The following COP1 variants were observed in gnomAD, a reference collection of about 807,000 sequenced individuals.
COP1 encodes E3 ubiquitin-protein ligase COP1.
Under a neutral mutation model 101.3 loss-of-function variants are expected in COP1, and 24 were observed. The observed-to-expected ratio is 0.24, with a 90% CI of 0.17 to 0.33. The LOEUF is 0.33. Ranked by LOEUF, COP1 falls within the 10% of genes least tolerant of loss-of-function variation. The pLI is 1.00. For missense variants in COP1, 663 were observed against 906.2 expected (o/e 0.73, Z 3.45); for synonymous variants, 347 against 341.9 (o/e 1.01, Z -0.17).
intron 15 of COP1, among the ~76,000 whole-genome samples, chr1:176,006,107 C>A (rs1470061215): frequency 6.6e-6 from 1 of 152,112 alleles, no homozygotes; most frequent in Non-Finnish European, 1.5e-5. Flanking sequence ...ATGTAATGGC[C>A]TTCTTTGTCT....
At position 176,101,787 on chromosome 1, in the gene COP1, C is replaced by T. The variant is rs530935870; in HGVS notation, c.1026+14837G>A. On this transcript the variant is annotated intron_variant, in intron 9 of 19. Coordinates refer to ENST00000367669, the MANE Select transcript of COP1 (RefSeq NM_022457.7). ...ATCACACTCCAAATGGTCATGCAACCGAAGCCTCAGATGATGGCCCCTTTT... is the reference window on the plus strand; with the variant it reads ...ATCACACTCCAAATGGTCATGCAACTGAAGCCTCAGATGATGGCCCCTTTT... Among the ~76,000 whole-genome samples, 30 of 152,290 alleles carry T rather than the reference C, an allele frequency of 2.0e-4. No individual in the cohort carries two copies. The South Asian group carries it at 2.9e-3, about 15-fold the overall frequency.
intron 3 of COP1, among the ~76,000 whole-genome samples, chr1:176,169,347 C>T (rs1056694143): frequency 2.0e-5 from 3 of 152,134 alleles, no homozygotes; most frequent in African/African-American, 7.2e-5. Context: ...CAATTGTATA[C>T]TACTACTAAT....
intron 1 of COP1, among the ~76,000 whole-genome samples, chr1:176,202,379 G>C (rs1700356041): frequency 6.6e-6 from 1 of 151,810 alleles, no homozygotes; most frequent in Admixed American, 6.6e-5. Context: ...TGTAGAGATG[G>C]GGTTTCGTCA....
At chr1:176,035,718 A>C (rs1669404840) in intron 14 of COP1, among the ~76,000 whole-genome samples, 1 of 79,248 alleles carries the variant, frequency 1.3e-5, no homozygotes, top group Non-Finnish European at 3.4e-5. Context: ...ACCAAAAAAA[A>C]AAAAAAAAAA....
In COP1 at chr1:176,207,008, C is replaced by T; in HGVS notation, c.-30G>A. On this transcript the variant is annotated 5_prime_UTR_variant, in exon 1 of 20. Coordinates refer to ENST00000367669, the MANE Select transcript of COP1 (RefSeq NM_022457.7). ...ACTCCCTCCCCTCCAGCCGGGCGCT[C>T]GGAGGAGAGGGACCGCGACCTCGAC... 5.9e-6 allele frequency: 8 copies of T among 1,367,034 alleles called. No homozygotes were observed. Among genetic ancestry groups the T allele is most frequent in the Non-Finnish European group, 7.5e-6 (8 of 1,062,950 alleles). 84.7% of individuals were successfully genotyped at this position (1,367,034 alleles called of 1,614,324 possible).
intron 8 of COP1, among the ~76,000 whole-genome samples, chr1:176,131,224 G>T (rs565601834): frequency 1.1e-4 from 16 of 151,818 alleles, no homozygotes; most frequent in African/African-American, 3.9e-4. Context: ...TTTTAAGCAG[G>T]AAAGAAACAT....
chr1:176,008,042 C>T (rs1180826585), intron 15 of COP1, among the ~76,000 whole-genome samples: 3 of 152,162 alleles, frequency 2.0e-5, no homozygotes, highest in African/African-American at 4.8e-5. Flanking sequence ...GATATAATCT[C>T]GTGGTGCGCC....
chr1:176,131,594 A>G (rs577187754), intron 8 of COP1, among the ~76,000 whole-genome samples: 1 of 152,036 alleles, frequency 6.6e-6, no homozygotes, highest in South Asian at 2.1e-4. Context: ...TTAGTGAGGA[A>G]TAAGAACAAA....
intron 14 of COP1, among the ~76,000 whole-genome samples, chr1:176,042,123 T>G (rs1376333243): frequency 6.7e-6 from 1 of 148,302 alleles, no homozygotes. Flanking sequence ...AAAAAAAAAT[T>G]AGCCGAGTGT....
At chr1:176,185,947 T>C (rs182963313) in intron 1 of COP1, among the ~76,000 whole-genome samples, 1 of 152,288 alleles carries the variant, frequency 6.6e-6, no homozygotes, top group East Asian at 1.9e-4. Context: ...CACTATCCCT[T>C]AGAATACAGG....
At chr1:176,075,282 C>T (rs937998623) in intron 11 of COP1, among the ~76,000 whole-genome samples, 1 of 152,122 alleles carries the variant, frequency 6.6e-6, no homozygotes, top group African/African-American at 2.4e-5. Context: ...AGTTAAACAG[C>T]TGACAGAATA....
chr1:175,977,134 A>G (rs1654774022), intron 18 of COP1, among the ~76,000 whole-genome samples: 1 of 152,164 alleles, frequency 6.6e-6, no homozygotes, highest in Non-Finnish European at 1.5e-5. Context: ...TTTCTACACA[A>G]TCTATTCCCT....
At chr1:176,050,421 T>C (rs1317917267) in intron 11 of COP1, among the ~76,000 whole-genome samples, 4 of 152,352 alleles carry the variant, frequency 2.6e-5, no homozygotes, top group East Asian at 3.9e-4. Flanking sequence ...TTTGCAATTA[T>C]AAGTATTAAC....
chr1:176,117,679 G>A (rs190367462), intron 8 of COP1, among the ~76,000 whole-genome samples: 4 of 152,318 alleles, frequency 2.6e-5, no homozygotes, highest in South Asian at 2.1e-4. Flanking sequence ...CGGATCACCT[G>A]AGGTCAGGAG....
At chr1:176,081,364 T>C in intron 10 of COP1, 77 bp from the exon 11 acceptor site, 1 of 1,146,282 alleles carries the variant, frequency 8.7e-7, no homozygotes, top group Non-Finnish European at 1.2e-6. Context: ...CATCCACAAA[T>C]TAAAATTTAT....
chr1:176,182,487 G>A (rs1697924250), intron 2 of COP1, among the ~76,000 whole-genome samples: 2 of 152,224 alleles, frequency 1.3e-5, no homozygotes, highest in Non-Finnish European at 2.9e-5. Context: ...GGCAGGGGTG[G>A]TACTGGGTAG....
intron 8 of COP1, among the ~76,000 whole-genome samples, chr1:176,134,319 A>G (rs1268933374): frequency 1.3e-5 from 2 of 152,028 alleles, no homozygotes; most frequent in Non-Finnish European, 2.9e-5. Flanking sequence ...CTTAGTTTGA[A>G]CATTTCAAGC....
chr1:175,945,221 A>G, intron 19 of COP1, 51 bp from the exon 20 acceptor site: 1 of 1,336,480 alleles, frequency 7.5e-7, no homozygotes, highest in Non-Finnish European at 1.1e-6. Context: ...TAAGATATAA[A>G]AGGAATTTAA....
chr1:176,144,614 C>T (rs1228636553), intron 6 of COP1, among the ~76,000 whole-genome samples: 1 of 152,062 alleles, frequency 6.6e-6, no homozygotes, highest in Non-Finnish European at 1.5e-5. Flanking sequence ...AGGAATATCC[C>T]AGACTTTAAA....
Sources: gnomAD v4.1 joint callset for allele counts (sites outside exome capture counted in the v4.1 genomes callset) on GRCh38, gnomAD v4.1.1 for gene constraint, MANE v1.5 for transcripts, NCBI Gene and HGNC (gene_info 2026-07-23, HGNC 2026-07-21) for gene names.